DCDC1: variants seen among roughly 807,000 people sequenced by gnomAD.
The protein encoded by DCDC1 is doublecortin domain-containing protein 1.
A neutral mutation model predicts 178.3 loss-of-function variants in DCDC1; 200 were observed. That is an observed-to-expected ratio of 1.12 (90% CI 1.00 to 1.26). The LOEUF (loss-of-function observed/expected upper bound fraction) is 1.26. DCDC1 is among the 50% of genes most tolerant of loss of function. The pLI, the probability that DCDC1 is intolerant of heterozygous loss-of-function variation, is 0.00. For missense variants in DCDC1, 1,983 were observed against 1,749.2 expected (o/e 1.13, Z -2.38); for synonymous variants, 690 against 604.8 (o/e 1.14, Z -2.07).
At chr11:31,222,383 T>C (rs1974374515) in intron 9 of DCDC1, among the ~76,000 whole-genome samples, 1 of 152,094 alleles carries the variant, frequency 6.6e-6, no homozygotes, top group Admixed American at 6.6e-5. Flanking sequence ...TCTAATAACA[T>C]CTTGCTTATT....
chr11:30,982,745 A>G (rs1950453936), intron 20 of DCDC1, among the ~76,000 whole-genome samples: 1 of 152,028 alleles, frequency 6.6e-6, no homozygotes, highest in Non-Finnish European at 1.5e-5. Flanking sequence ...TTTTCTACTG[A>G]TGCACCGCCC....
At chr11:31,369,494 C>G (rs887964258) in intron 1 of DCDC1, among the ~76,000 whole-genome samples, 1 of 152,114 alleles carries the variant, frequency 6.6e-6, no homozygotes, top group Non-Finnish European at 1.5e-5. Context: ...CCTCTCTCAC[C>G]CCAGAGTTCA....
chr11:31,212,212 T>C (rs1020550232), intron 9 of DCDC1, among the ~76,000 whole-genome samples: 1 of 151,972 alleles, frequency 6.6e-6, no homozygotes, highest in Non-Finnish European at 1.5e-5. Context: ...CAAACATAAA[T>C]TCTGTATGAA....
chr11:31,287,048 C>T (rs1268269886), intron 7 of DCDC1, among the ~76,000 whole-genome samples: 4 of 152,114 alleles, frequency 2.6e-5, no homozygotes, highest in Middle Eastern at 3.4e-3. Flanking sequence ...AAACACTCTC[C>T]GGTGAAATCC....
chr11:30,890,808 CTTTA>C (rs1386285971), intron 36 of DCDC1, among the ~76,000 whole-genome samples: 2 of 152,068 alleles, frequency 1.3e-5, no homozygotes, highest in African/African-American at 2.4e-5. Flanking sequence ...TCTTAAACAT[CTTTA>C]TTATTATTTC....
At chr11:31,148,749 C>G (rs867016659) in intron 9 of DCDC1, among the ~76,000 whole-genome samples, 1 of 150,896 alleles carries the variant, frequency 6.6e-6, no homozygotes, top group African/African-American at 2.4e-5. Context: ...AATTCCACTT[C>G]TTTTTTTATT....
intron 9 of DCDC1, among the ~76,000 whole-genome samples, chr11:31,144,949 T>C (rs1964280379): frequency 6.6e-6 from 1 of 152,102 alleles, no homozygotes. Context: ...AAGACCCATT[T>C]CCTTTTAGAC....
At chr11:30,876,501 C>T (rs1942134444) in intron 38 of DCDC1, among the ~76,000 whole-genome samples, 1 of 152,182 alleles carries the variant, frequency 6.6e-6, no homozygotes, top group African/African-American at 2.4e-5. Context: ...CGCTGCCTTG[C>T]TGGTAAAATG....
intron 7 of DCDC1, among the ~76,000 whole-genome samples, chr11:31,277,173 T>G (rs1946054723): frequency 1.3e-5 from 2 of 152,118 alleles, no homozygotes; most frequent in Admixed American, 6.6e-5. Flanking sequence ...TAATCTGGTT[T>G]TTTTCACTAG....
chr11:31,103,783 A>G lies in DCDC1; in HGVS notation c.1752-14T>C, dbSNP rs1488760009. On this transcript the variant is annotated splice_polypyrimidine_tract_variant and intron_variant, in intron 13 of 38. Transcript: ENST00000684477. ...TTTAGTGGAGATCTGAAAAACGGAT[A>G]AAACATCAAAACTATCTTCAAAATT... 2 of 756,908 alleles carry G rather than the reference A, an allele frequency of 2.6e-6. No homozygotes were observed. Among genetic ancestry groups the G allele is most frequent in the Non-Finnish European group, 4.8e-6 (2 of 415,340 alleles). The allele number at this position is 756,908 out of a possible 1,614,324, so 46.9% of individuals were successfully genotyped here. A position where few individuals can be genotyped will look rare whatever the true frequency, so the allele number is the denominator to read the frequency against.
At chr11:31,286,467 G>A (rs908225451) in intron 7 of DCDC1, among the ~76,000 whole-genome samples, 2 of 151,154 alleles carry the variant, frequency 1.3e-5, no homozygotes, top group Non-Finnish European at 3.0e-5. Flanking sequence ...CAAAACAATC[G>A]GGATAGGAAG....
rs184332304 is a variant in DCDC1 at position 31,112,661 on chromosome 11, G to A, written c.1486-2300C>T. Among the ~76,000 whole-genome samples, 7 of 152,264 alleles carry A rather than the reference G, an allele frequency of 4.6e-5. No individual in the cohort carries two copies. The South Asian group carries it at 1.0e-3, about 23-fold the overall frequency. ...AACATAGTAGCTAACAACTACTGAA[G>A]AAACATGTAGAAATAGGAATAAGTT... On this transcript the variant is annotated intron_variant, in intron 11 of 38. Coordinates refer to ENST00000684477, the MANE Select transcript of DCDC1 (RefSeq NM_001387274.1).
At chr11:30,976,394 GT>G (rs1277267096) in intron 20 of DCDC1, among the ~76,000 whole-genome samples, 1 of 152,010 alleles carries the variant, frequency 6.6e-6, no homozygotes, top group Non-Finnish European at 1.5e-5. Flanking sequence ...AGTAAAAAGA[GT>G]ATCTGTTGAA....
intron 7 of DCDC1, among the ~76,000 whole-genome samples, chr11:31,289,359 GC>G (rs1947059987): frequency 1.3e-5 from 2 of 151,916 alleles, no homozygotes. Context: ...GTTATAACTT[GC>G]CTTAGCAATT....
intron 6 of DCDC1, among the ~76,000 whole-genome samples, chr11:31,293,710 T>C (rs1015372924): frequency 3.9e-5 from 6 of 152,170 alleles, no homozygotes; most frequent in African/African-American, 1.4e-4. Flanking sequence ...TCAACAACTT[T>C]ATGAGATAGG....
intron 20 of DCDC1, among the ~76,000 whole-genome samples, chr11:31,038,541 C>A (rs1954229842): frequency 6.6e-6 from 1 of 152,098 alleles, no homozygotes; most frequent in Non-Finnish European, 1.5e-5. Context: ...ATGATGAAGT[C>A]CTGATTTTCT....
At chr11:31,157,688 G>A (rs1965871197) in intron 9 of DCDC1, among the ~76,000 whole-genome samples, 1 of 151,992 alleles carries the variant, frequency 6.6e-6, no homozygotes, top group African/African-American at 2.4e-5. Context: ...TGAGGGCAGG[G>A]GCAAATGGAG....
chr11:31,110,359 T>C lies in DCDC1; in HGVS notation c.1488A>G (p.Val496=), dbSNP rs1959127507. The part of the protein sequence containing the change: ...TLVPGGLQLK[V]FENGKNTGEI... ...CTCCAGTGTTTTTACCATTTTCAAA[T>C]ACCTGAAAAATAAACATATTCAAAA... Residue 496 remains valine, a splice_region_variant and synonymous_variant, in exon 12 of 39, where the codon GTA becomes GTG. Transcript: ENST00000684477. 1 of 699,956 alleles carries C rather than the reference T, an allele frequency of 1.4e-6. No individual in the cohort carries two copies. The highest frequency in any genetic ancestry group is 1.8e-5 in the African/African-American group (1 of 57,006). The allele number at this position is 699,956 out of a possible 1,614,324, so 43.4% of individuals were successfully genotyped here.
chr11:31,154,672 A>G (rs922577340), intron 9 of DCDC1, among the ~76,000 whole-genome samples: 1 of 152,226 alleles, frequency 6.6e-6, no homozygotes, highest in African/African-American at 2.4e-5. Context: ...GAAATTCTGG[A>G]AAGCCCTGAA....
Sources: allele counts gnomAD v4.1 joint callset (sites outside exome capture counted in the v4.1 genomes callset), GRCh38; gene constraint gnomAD v4.1.1; transcripts MANE v1.5; gene names NCBI Gene and HGNC (gene_info 2026-07-23, HGNC 2026-07-21).